FRMD4A: variants seen among roughly 807,000 people sequenced by gnomAD.
FRMD4A encodes FERM domain-containing protein 4A.
In FRMD4A, 29 loss-of-function variants were observed where a neutral mutation model predicts 129.1. The observed-to-expected ratio is 0.22, with a 90% CI of 0.17 to 0.31. The LOEUF (loss-of-function observed/expected upper bound fraction) is 0.31, where lower values mean the gene tolerates loss of function less well. FRMD4A is among the 10% of genes least tolerant of loss of function. The pLI, the probability that FRMD4A is intolerant of heterozygous loss-of-function variation, is 1.00. For missense variants in FRMD4A, 1,272 were observed against 1,375.8 expected (o/e 0.92, Z 1.19); for synonymous variants, 634 against 571.6 (o/e 1.11, Z -1.56).
intron 2 of FRMD4A, among the ~76,000 whole-genome samples, chr10:14,162,041 T>C (rs1449898466): frequency 6.6e-6 from 1 of 151,022 alleles, no homozygotes; most frequent in African/African-American, 2.4e-5. Flanking sequence ...ATATAATTTA[T>C]TTAGACAAAT....
At chr10:13,860,901 C>T (rs1171693414) in intron 2 of FRMD4A, among the ~76,000 whole-genome samples, 1 of 152,170 alleles carries the variant, frequency 6.6e-6, no homozygotes, top group Non-Finnish European at 1.5e-5. Flanking sequence ...ACCTCAGCCT[C>T]CTGAGTAGCT....
chr10:13,782,229 C>T (rs1246815333), intron 6 of FRMD4A, among the ~76,000 whole-genome samples: 2 of 151,990 alleles, frequency 1.3e-5, no homozygotes, highest in Non-Finnish European at 1.5e-5. Flanking sequence ...CAAATATACA[C>T]GTATTTGGTT....
chr10:13,739,698 C>T (rs1051119788), intron 11 of FRMD4A, among the ~76,000 whole-genome samples: 9 of 152,214 alleles, frequency 5.9e-5, no homozygotes, highest in African/African-American at 1.9e-4. Flanking sequence ...CAGGTTGAAG[C>T]AAGTTAACTG....
Position 14,286,806 on chromosome 10 carries a change from G to A in FRMD4A, c.45+43252C>T. On this transcript the variant is annotated intron_variant, in intron 2 of 24. Coordinates refer to ENST00000357447, the MANE Select transcript of FRMD4A (RefSeq NM_018027.5). ...AAAAATCCATTTGGTTTGAAGGCAGGGATGACACCAAGGGAGGGGATGGAG... is the reference window on the plus strand; with the variant it reads ...AAAAATCCATTTGGTTTGAAGGCAGAGATGACACCAAGGGAGGGGATGGAG... 1.3e-5 allele frequency among the ~76,000 whole-genome samples: 2 copies of A among 151,972 alleles called. 1 individual carries two copies. The highest frequency in any genetic ancestry group is 1.3e-4 in the Admixed American group (2 of 15,226).
At chr10:14,092,637 G>T (rs1336701446) in intron 2 of FRMD4A, among the ~76,000 whole-genome samples, 2 of 152,236 alleles carry the variant, frequency 1.3e-5, no homozygotes, top group Non-Finnish European at 2.9e-5. Flanking sequence ...GTTTGCAGGG[G>T]TGATCCTCAT....
intron 2 of FRMD4A, among the ~76,000 whole-genome samples, chr10:13,980,651 G>A (rs542801052): frequency 1.3e-5 from 2 of 152,160 alleles, no homozygotes; most frequent in Non-Finnish European, 2.9e-5. Context: ...CCCTGGGAGT[G>A]AGAGGCTACA....
chr10:14,143,689 A>G (rs1589068063), intron 2 of FRMD4A, among the ~76,000 whole-genome samples: 1 of 152,264 alleles, frequency 6.6e-6, no homozygotes, highest in Non-Finnish European at 1.5e-5. Context: ...ATCTGAGCTC[A>G]TTGCAACCTC....
At chr10:14,011,116 G>A (rs963470769) in intron 2 of FRMD4A, among the ~76,000 whole-genome samples, 3 of 152,178 alleles carry the variant, frequency 2.0e-5, no homozygotes, top group Non-Finnish European at 4.4e-5. Flanking sequence ...GTGATTTCAG[G>A]GCCCAGCTTG....
intron 2 of FRMD4A, among the ~76,000 whole-genome samples, chr10:14,230,495 A>G (rs1373147916): frequency 2.0e-5 from 3 of 152,226 alleles, no homozygotes; most frequent in Non-Finnish European, 4.4e-5. Context: ...CCCCTGGTAG[A>G]TGCTCAGCCC....
At chr10:13,771,453 C>G (rs1104917) in intron 6 of FRMD4A, among the ~76,000 whole-genome samples, 2,150 of 152,264 alleles carry the variant, frequency 0.014, 95 homozygotes, top group South Asian at 0.12. Context: ...AAGCCTTTTC[C>G]TTTATGTCAT....
intron 6 of FRMD4A, among the ~76,000 whole-genome samples, chr10:13,776,187 T>C (rs2092593131): frequency 6.6e-6 from 1 of 152,208 alleles, no homozygotes; most frequent in Non-Finnish European, 1.5e-5. Context: ...TTGGACTCAC[T>C]GCAACCTCCG....
intron 2 of FRMD4A, among the ~76,000 whole-genome samples, chr10:14,164,744 G>A (rs1325247308): frequency 6.6e-6 from 1 of 152,160 alleles, no homozygotes; most frequent in Non-Finnish European, 1.5e-5. Context: ...ATAAAATGAG[G>A]TTAAAAATAT....
chr10:14,043,444 T>C (rs552405088), intron 2 of FRMD4A, among the ~76,000 whole-genome samples: 1 of 152,358 alleles, frequency 6.6e-6, no homozygotes, highest in South Asian at 2.1e-4. Flanking sequence ...TTTCACTCCC[T>C]GCCCACTGAT....
At chr10:13,669,058 T>TTG (rs2083295574) in intron 17 of FRMD4A, among the ~76,000 whole-genome samples, 1 of 23,762 alleles carries the variant, frequency 4.2e-5, no homozygotes, top group African/African-American at 2.9e-4. Context: ...TGAGCTTTAG[T>TTG]TTTTTTTTTT....
At chr10:14,134,358 T>C (rs1008919200) in intron 2 of FRMD4A, among the ~76,000 whole-genome samples, 4 of 151,022 alleles carry the variant, frequency 2.6e-5, no homozygotes, top group Non-Finnish European at 5.9e-5. Context: ...AATTGATGAA[T>C]GGATGGGTAG....
chr10:14,325,339 C>A (rs1350714735), intron 2 of FRMD4A, among the ~76,000 whole-genome samples: 1 of 152,214 alleles, frequency 6.6e-6, no homozygotes, highest in Non-Finnish European at 1.5e-5. Flanking sequence ...TTGATCACAT[C>A]TCCAACTGGC....
intron 2 of FRMD4A, among the ~76,000 whole-genome samples, chr10:14,082,544 C>A (rs1423674675): frequency 6.6e-6 from 1 of 152,052 alleles, no homozygotes; most frequent in African/African-American, 2.4e-5. Context: ...GTGGTATAAC[C>A]AGTCGCCCAT....
Position 13,713,066 on chromosome 10 carries a change from T to G in FRMD4A, c.760-5953A>C, listed in dbSNP as rs1030483992. On this transcript the variant is annotated intron_variant, in intron 12 of 24. Coordinates refer to ENST00000357447, the MANE Select transcript of FRMD4A (RefSeq NM_018027.5). Reference sequence around the variant, plus strand: ...ACGCTTGAGAGGAAGCTCAGTCTAGTGGCTCTGATGCTTGACTAGGACTTT... The same window carrying G: ...ACGCTTGAGAGGAAGCTCAGTCTAGGGGCTCTGATGCTTGACTAGGACTTT... Among the ~76,000 whole-genome samples the G allele has an allele frequency of 2.0e-5, 3 of 152,228 alleles. No individual in the cohort carries two copies. The South Asian group carries it at 6.2e-4, about 31-fold the overall frequency.
intron 2 of FRMD4A, among the ~76,000 whole-genome samples, chr10:13,884,289 ATTAAC>A (rs2094593534): frequency 6.6e-6 from 1 of 151,766 alleles, no homozygotes; most frequent in South Asian, 2.1e-4. Context: ...TATTTCTGCC[ATTAAC>A]TTGTTGCATT....
Sources: gnomAD v4.1 joint callset for allele counts (sites outside exome capture counted in the v4.1 genomes callset) on GRCh38, gnomAD v4.1.1 for gene constraint, MANE v1.5 for transcripts, NCBI Gene and HGNC (gene_info 2026-07-23, HGNC 2026-07-21) for gene names.